NBAS: variants seen among roughly 807,000 people sequenced by gnomAD.
NBAS encodes NAG/BC035112 fusion.
Under a neutral mutation model 302.5 loss-of-function variants are expected in NBAS, and 219 were observed. The observed-to-expected ratio is 0.72, with a 90% CI of 0.65 to 0.81. The LOEUF is 0.81. Ranked by LOEUF, NBAS falls within the 30% of genes least tolerant of loss-of-function variation. NBAS has a pLI of 0.00. For synonymous variants in NBAS, 1,118 were observed against 1,021.6 expected, an observed-to-expected ratio of 1.09 and a Z score of -1.80; for missense variants, 2,932 against 2,841.6, an observed-to-expected ratio of 1.03 and a Z score of -0.72.
the NBAS span, among the ~76,000 whole-genome samples, chr2:15,006,840 G>A: frequency 7.9e-5 from 12 of 152,232 alleles, no homozygotes; most frequent in Non-Finnish European, 1.8e-4. Flanking sequence ...ATACATGCTA[G>A]CTTGTCCCAA....
chr2:15,049,006 C>T, the NBAS span, among the ~76,000 whole-genome samples: 1 of 152,222 alleles, frequency 6.6e-6, no homozygotes, highest in Non-Finnish European at 1.5e-5. Context: ...CTAGCACCTA[C>T]ATTGAATCTC....
At chr2:15,361,766 G>A (rs1673938509) in intron 32 of NBAS, among the ~76,000 whole-genome samples, 1 of 151,656 alleles carries the variant, frequency 6.6e-6, no homozygotes, top group African/African-American at 2.4e-5. Context: ...ATCACCTGAG[G>A]TCAGGAGTTC....
chr2:14,822,096 C>T, the NBAS span, among the ~76,000 whole-genome samples: 1 of 152,062 alleles, frequency 6.6e-6, no homozygotes, highest in Admixed American at 6.5e-5. Flanking sequence ...TGCGATCATC[C>T]TATGTGGTAA....
chr2:15,533,592 A>G (rs1663328502), intron 9 of NBAS, among the ~76,000 whole-genome samples: 2 of 152,174 alleles, frequency 1.3e-5, no homozygotes, highest in African/African-American at 4.8e-5. Context: ...CAAGAAAATC[A>G]TATACACAAA....
the NBAS span, among the ~76,000 whole-genome samples, chr2:14,912,739 T>A: frequency 6.8e-6 from 1 of 147,004 alleles, no homozygotes; most frequent in Non-Finnish European, 1.5e-5. Flanking sequence ...GGAAATCCCT[T>A]TAACAAGTGA....
the NBAS span, among the ~76,000 whole-genome samples, chr2:14,935,075 C>T: frequency 3.5e-4 from 53 of 152,320 alleles, no homozygotes; most frequent in East Asian, 9.4e-3. Context: ...AAATTCAACT[C>T]TCTCAGCTTA....
chr2:14,911,252 C>T, the NBAS span, among the ~76,000 whole-genome samples: 1 of 152,214 alleles, frequency 6.6e-6, no homozygotes, highest in Non-Finnish European at 1.5e-5. Context: ...GGAAATTGCA[C>T]TAGTCTTGAA....
At chr2:14,827,464 T>C in the NBAS span, among the ~76,000 whole-genome samples, 1 of 152,184 alleles carries the variant, frequency 6.6e-6, no homozygotes. Flanking sequence ...ACACTGGCTT[T>C]TGTGAATAAT....
At chr2:14,919,822 T>C in the NBAS span, among the ~76,000 whole-genome samples, 2 of 152,200 alleles carry the variant, frequency 1.3e-5, no homozygotes, top group African/African-American at 2.4e-5. Context: ...CCACTTCTAA[T>C]TCTATTTTTC....
the NBAS span, among the ~76,000 whole-genome samples, chr2:14,881,047 A>C: frequency 5.3e-5 from 8 of 152,234 alleles, no homozygotes; most frequent in Admixed American, 5.2e-4. Flanking sequence ...CAAGAAAGAA[A>C]AAGTGTGAGC....
intron 50 of NBAS, chr2:15,179,492 TGTGA>T (rs1351326267): frequency 1.1e-4 from 27 of 253,578 alleles, no homozygotes; most frequent in Middle Eastern, 1.4e-3. Flanking sequence ...TGTGTGTGTG[TGTGA>T]GAGAGAGAGA....
intron 48 of NBAS, among the ~76,000 whole-genome samples, chr2:15,207,613 G>A (rs1361862520): frequency 6.6e-6 from 1 of 152,172 alleles, no homozygotes; most frequent in Non-Finnish European, 1.5e-5. Flanking sequence ...GTGGCTTGAT[G>A]GGAGGTGACT....
chr2:14,833,886 T>C, the NBAS span, among the ~76,000 whole-genome samples: 1 of 152,136 alleles, frequency 6.6e-6, no homozygotes, highest in Non-Finnish European at 1.5e-5. Context: ...AAAATGATCA[T>C]CTGCTATTTT....
chr2:14,849,743 C>G, the NBAS span, among the ~76,000 whole-genome samples: 1 of 143,294 alleles, frequency 7.0e-6, no homozygotes, highest in Non-Finnish European at 1.5e-5. Flanking sequence ...TGTCAGAAAC[C>G]CTACAAGCCA....
At chr2:14,942,205 C>T in the NBAS span, among the ~76,000 whole-genome samples, 1 of 152,164 alleles carries the variant, frequency 6.6e-6, no homozygotes, top group Admixed American at 6.5e-5. Context: ...TCAAGAGCTG[C>T]CAGTTATCTA....
chr2:14,841,181 G>A, the NBAS span, among the ~76,000 whole-genome samples: 14 of 151,482 alleles, frequency 9.2e-5, no homozygotes, highest in African/African-American at 2.2e-4. Flanking sequence ...ATGGAAAAAC[G>A]TATCATGGAT....
intron 42 of NBAS, among the ~76,000 whole-genome samples, chr2:15,282,701 A>C (rs760994885): frequency 6.6e-6 from 1 of 152,236 alleles, no homozygotes; most frequent in Non-Finnish European, 1.5e-5. Context: ...AAACCAAGGC[A>C]TAGGATGTTT....
At chr2:15,515,180 T>C (rs1057444783) in intron 9 of NBAS, among the ~76,000 whole-genome samples, 5 of 152,036 alleles carry the variant, frequency 3.3e-5, no homozygotes, top group African/African-American at 1.2e-4. Context: ...TGCAGGGCAC[T>C]GAGTGTACAA....
intron 44 of NBAS, among the ~76,000 whole-genome samples, chr2:15,240,373 T>G (rs1449679672): frequency 6.9e-6 from 1 of 144,368 alleles, no homozygotes; most frequent in Non-Finnish European, 1.5e-5. Flanking sequence ...GAGGCCAAGA[T>G]GGATGGATCA....
Sources: allele counts gnomAD v4.1 joint callset (sites outside exome capture counted in the v4.1 genomes callset), GRCh38; gene constraint gnomAD v4.1.1; transcripts MANE v1.5; gene names NCBI Gene and HGNC (gene_info 2026-07-23, HGNC 2026-07-21).